Variants in PRMT3 observed in about 807,000 individuals in gnomAD.
The protein encoded by PRMT3 is protein arginine methyltransferase 3.
Under a neutral mutation model 71.9 loss-of-function variants are expected in PRMT3, and 62 were observed. The observed-to-expected ratio is 0.86, with a 90% CI of 0.70 to 1.07. The LOEUF (loss-of-function observed/expected upper bound fraction) is 1.07. Among genes scored for constraint, PRMT3 ranks in the 50% least tolerant of loss-of-function variants. PRMT3 has a pLI of 0.00. For synonymous variants in PRMT3, 213 were observed against 220.4 expected (o/e 0.97, Z 0.30); for missense variants, 663 against 643.0 (o/e 1.03, Z -0.34).
At chr11:20,489,191 CT>C (rs1226486488) in intron 13 of PRMT3, among the ~76,000 whole-genome samples, 2 of 152,124 alleles carry the variant, frequency 1.3e-5, no homozygotes, top group African/African-American at 4.8e-5. Context: ...CTCTAAGGGA[CT>C]TTTATAACTA....
intron 9 of PRMT3, among the ~76,000 whole-genome samples, chr11:20,424,824 A>G (rs1296609375): frequency 6.6e-6 from 1 of 152,228 alleles, no homozygotes; most frequent in East Asian, 1.9e-4. Context: ...GAATTCAGTA[A>G]TAAGAATACA....
At chr11:20,491,574 T>C (rs1412915650) in intron 13 of PRMT3, among the ~76,000 whole-genome samples, 1 of 152,226 alleles carries the variant, frequency 6.6e-6, no homozygotes, top group East Asian at 1.9e-4. Flanking sequence ...TTTGTTATGC[T>C]GTTTTGAGGC....
chr11:20,460,775 A>C (rs560990563), intron 11 of PRMT3, among the ~76,000 whole-genome samples: 2 of 152,262 alleles, frequency 1.3e-5, no homozygotes, highest in South Asian at 2.1e-4. Context: ...GCTGTTACTA[A>C]AGCTAAATAC....
At chr11:20,440,581 T>A (rs1314873889) in intron 10 of PRMT3, among the ~76,000 whole-genome samples, 1 of 151,532 alleles carries the variant, frequency 6.6e-6, no homozygotes, top group Non-Finnish European at 1.5e-5. Context: ...TTTAAGAGCA[T>A]GAAAAGCAAA....
At chr11:20,425,958 G>A (rs914197345) in intron 9 of PRMT3, among the ~76,000 whole-genome samples, 8 of 152,168 alleles carry the variant, frequency 5.3e-5, no homozygotes. Flanking sequence ...TAGTTACAAT[G>A]TACATTCTGA....
intron 9 of PRMT3, among the ~76,000 whole-genome samples, chr11:20,422,609 C>T (rs188486134): frequency 1.1e-3 from 167 of 152,196 alleles, no homozygotes; most frequent in Non-Finnish European, 5.4e-4. Flanking sequence ...CATTTCCTAC[C>T]GAGGTTAGGT....
intron 13 of PRMT3, among the ~76,000 whole-genome samples, chr11:20,485,531 C>G (rs2133441546): frequency 1.3e-5 from 2 of 152,190 alleles, no homozygotes; most frequent in Middle Eastern, 3.4e-3. Context: ...AAGAATTGAA[C>G]AGACATTCTA....
chr11:20,485,791 T>A (rs1460332116), intron 13 of PRMT3, among the ~76,000 whole-genome samples: 4 of 152,154 alleles, frequency 2.6e-5, no homozygotes, highest in Admixed American at 2.0e-4. Flanking sequence ...TGGCTAAGAA[T>A]TTTCCAAAAC....
chr11:20,423,130 C>G (rs1242472262), intron 9 of PRMT3, among the ~76,000 whole-genome samples: 1 of 152,182 alleles, frequency 6.6e-6, no homozygotes, highest in Non-Finnish European at 1.5e-5. Context: ...ATTTGACACT[C>G]TGATCTTATG....
intron 15 of PRMT3, among the ~76,000 whole-genome samples, chr11:20,502,429 T>G (rs989176396): frequency 2.0e-5 from 3 of 152,246 alleles, no homozygotes; most frequent in Non-Finnish European, 4.4e-5. Flanking sequence ...AAGATTTACC[T>G]GTATTTCATT....
intron 13 of PRMT3, among the ~76,000 whole-genome samples, chr11:20,471,569 A>G (rs1290053689): frequency 2.0e-5 from 3 of 152,024 alleles, no homozygotes; most frequent in East Asian, 1.9e-4. Flanking sequence ...CCATTGGTCT[A>G]TGTGTCTGTC....
chr11:20,468,674 A>C (rs1218999724), intron 13 of PRMT3, among the ~76,000 whole-genome samples: 2 of 152,100 alleles, frequency 1.3e-5, no homozygotes, highest in Admixed American at 1.3e-4. Flanking sequence ...CCTGGTCATA[A>C]CCATTTATTT....
At chr11:20,466,188 G>A (rs75582405) in intron 13 of PRMT3, among the ~76,000 whole-genome samples, 4,392 of 152,062 alleles carry the variant, frequency 0.029, 70 homozygotes, top group Non-Finnish European at 0.043. Flanking sequence ...AATTTAAATC[G>A]GTTGGTTTAA....
At chr11:20,486,551 C>T (rs557447535) in intron 13 of PRMT3, among the ~76,000 whole-genome samples, 6 of 152,206 alleles carry the variant, frequency 3.9e-5, no homozygotes, top group African/African-American at 1.4e-4. Context: ...CCCTAGTAGT[C>T]CCCTTTGTAC....
At chr11:20,471,115 A>G (rs1345313162) in intron 13 of PRMT3, among the ~76,000 whole-genome samples, 1 of 151,980 alleles carries the variant, frequency 6.6e-6, no homozygotes, top group Non-Finnish European at 1.5e-5. Flanking sequence ...GATTTTGAAT[A>G]TTAGACCTTT....
chr11:20,394,603 G>A (rs997181778), intron 5 of PRMT3, among the ~76,000 whole-genome samples: 1 of 151,842 alleles, frequency 6.6e-6, no homozygotes, highest in Non-Finnish European at 1.5e-5. Context: ...TTTTATTTTT[G>A]TGGTGAGAAC....
At chr11:20,467,263 CGTT>C (rs1565225039) in intron 13 of PRMT3, among the ~76,000 whole-genome samples, 1 of 152,126 alleles carries the variant, frequency 6.6e-6, no homozygotes, top group Non-Finnish European at 1.5e-5. Context: ...CATCAACAGT[CGTT>C]GAACACTTGA....
chr11:20,474,152 A>C (rs528366818), intron 13 of PRMT3, among the ~76,000 whole-genome samples: 7 of 152,282 alleles, frequency 4.6e-5, no homozygotes, highest in Non-Finnish European at 5.9e-5. Flanking sequence ...GGTGTCACCC[A>C]GGTAGCAGGA....
intron 11 of PRMT3, among the ~76,000 whole-genome samples, chr11:20,452,888 T>C (rs1332956968): frequency 1.3e-5 from 2 of 152,244 alleles, no homozygotes; most frequent in African/African-American, 4.8e-5. Context: ...AACTCTTAAA[T>C]GAGCTCCACA....
Sources: allele counts gnomAD v4.1 joint callset (sites outside exome capture counted in the v4.1 genomes callset), GRCh38; gene constraint gnomAD v4.1.1; transcripts MANE v1.5; gene names NCBI Gene and HGNC (gene_info 2026-07-23, HGNC 2026-07-21).